The following IFFO2 variants were observed in gnomAD, a reference collection of about 807,000 sequenced individuals.
IFFO2 encodes the protein intermediate filament family orphan 2.
In IFFO2, 19 loss-of-function variants were observed where a neutral mutation model predicts 53.5. That is an observed-to-expected ratio of 0.36 (90% CI 0.25 to 0.52). The LOEUF is 0.52. Among genes scored for constraint, IFFO2 ranks in the 20% least tolerant of loss-of-function variants. The pLI is 0.94. For synonymous variants in IFFO2, 303 were observed against 313.6 expected, an observed-to-expected ratio of 0.97 and a Z score of 0.36; for missense variants, 570 against 727.4, an observed-to-expected ratio of 0.78 and a Z score of 2.49.
At chr1:18,938,836 G>A (rs754539286) in intron 1 of IFFO2, among the ~76,000 whole-genome samples, 3 of 152,194 alleles carry the variant, frequency 2.0e-5, no homozygotes, top group Non-Finnish European at 2.9e-5. Context: ...GCCCTCAAAG[G>A]CAGTAGGCAG....
chr1:18,925,364 G>T (rs1241348613), intron 1 of IFFO2, among the ~76,000 whole-genome samples: 1 of 152,170 alleles, frequency 6.6e-6, no homozygotes, highest in African/African-American at 2.4e-5. Context: ...TAAAGCAGTG[G>T]AGGCCCCAGG....
In IFFO2 at chr1:18,936,643, G is replaced by A. The variant is rs905901325; in HGVS notation, c.666-15522C>T. 2.0e-5 allele frequency among the ~76,000 whole-genome samples: 3 copies of A among 152,270 alleles called. No individual in the cohort carries two copies. Among genetic ancestry groups the A allele is most frequent in the African/African-American group, 7.2e-5 (3 of 41,474 alleles). On this transcript the variant is annotated intron_variant, in intron 1 of 8. Transcript: ENST00000455833. This position sits in a 1 kb window ranked among gnomAD's most constrained non-coding sequence, Gnocchi z 4.5. ...TCTCCACTGTTTATTCCAAGTGACT[G>A]TGCTGCCCTGGAGGTAAATGTAGGG...
chr1:18,909,685 A>G (rs1450044968), intron 8 of IFFO2, among the ~76,000 whole-genome samples: 5 of 152,182 alleles, frequency 3.3e-5, no homozygotes, highest in Admixed American at 6.5e-5. Context: ...TGCCATGACT[A>G]TAAGTTTCCT....
At chr1:18,914,038 A>G (rs373270234) in intron 5 of IFFO2, among the ~76,000 whole-genome samples, 5 of 152,092 alleles carry the variant, frequency 3.3e-5, no homozygotes, top group South Asian at 2.1e-4. Context: ...TCACCGTGTT[A>G]GCCAGGATGG....
At chr1:18,939,990 T>C (rs1399406013) in intron 1 of IFFO2, among the ~76,000 whole-genome samples, 1 of 152,200 alleles carries the variant, frequency 6.6e-6, no homozygotes, top group Non-Finnish European at 1.5e-5. Flanking sequence ...AAGAAGCCAG[T>C]GTCCAGTAGG....
intron 1 of IFFO2, among the ~76,000 whole-genome samples, chr1:18,924,242 G>A (rs1053057879): frequency 3.3e-5 from 5 of 152,214 alleles, no homozygotes; most frequent in Admixed American, 1.3e-4. Flanking sequence ...TGTTTCTTAC[G>A]GCACTCCAGA....
intron 5 of IFFO2, among the ~76,000 whole-genome samples, chr1:18,913,581 C>A (rs1936077590): frequency 6.6e-6 from 1 of 152,220 alleles, no homozygotes; most frequent in Non-Finnish European, 1.5e-5. Context: ...TGGTCTGAAG[C>A]CCAAACAACC....
At chr1:18,910,244 GAGAC>G in intron 8 of IFFO2, 94 bp downstream of exon 8, 1 of 1,354,034 alleles carries the variant, frequency 7.4e-7, no homozygotes, top group Non-Finnish European at 1.0e-6. Context: ...GACGGACAGA[GAGAC>G]AGGTTGGGAG....
At position 18,908,593 on chromosome 1, in the gene IFFO2, G is replaced by A. The variant is rs566982605; in HGVS notation, c.1522C>T (p.Arg508Cys). 2.5e-5 allele frequency: 39 copies of A among 1,551,646 alleles called. No homozygotes were observed. The South Asian group carries it at 2.6e-4, about 10-fold the overall frequency. ...STDEIQDEFEREADVEPMVS is the reference protein window; with the variant it reads ...STDEIQDEFECEADVEPMVS ...ACCATGGGCTCCACATCCGCCTCGCGCTCGAACTCATCCTGGATCTCATCT... is the reference window on the plus strand; with the variant it reads ...ACCATGGGCTCCACATCCGCCTCGCACTCGAACTCATCCTGGATCTCATCT... The change falls in exon 9 of 9, where the codon CGC becomes TGC. Residue 508 changes from arginine to cysteine, a missense_variant. By Grantham distance (180) the Arg-to-Cys change is radical. Coordinates refer to ENST00000455833, the MANE Select transcript of IFFO2 (RefSeq NM_001136265.2).
At chr1:18,951,384 G>A (rs1386896113) in intron 1 of IFFO2, among the ~76,000 whole-genome samples, 1 of 152,016 alleles carries the variant, frequency 6.6e-6, no homozygotes, top group Admixed American at 6.6e-5. Flanking sequence ...CAGGCACCAG[G>A]AAAAAAAGAA....
rs1209436867 is a variant in IFFO2, at chr1:18,919,493, G to C, written c.822+185C>G. On this transcript the variant is annotated intron_variant, in intron 3 of 8. Coordinates refer to ENST00000455833, the MANE Select transcript of IFFO2 (RefSeq NM_001136265.2). The surrounding 1 kb of genome is among the most constrained non-coding windows in gnomAD (Gnocchi z 4.9). ...CTCAGACCGAGGGAAGCAGAAGTGG[G>C]GAGGGGGCGGGAGGAGGGTGCCTGG... Among the ~76,000 whole-genome samples the C allele has an allele frequency of 6.6e-6, 1 of 152,106 alleles. No individual in the cohort carries two copies. Among genetic ancestry groups the C allele is most frequent in the East Asian group, 1.9e-4 (1 of 5,166 alleles).
rs759809419 is a variant in IFFO2, at chr1:18,935,954, G to A, written c.666-14833C>T. Among the ~76,000 whole-genome samples the A allele has an allele frequency of 4.0e-4, 56 of 139,312 alleles. 1 individual carries two copies. Among genetic ancestry groups the A allele is most frequent in the Admixed American group, 1.9e-3 (23 of 12,354 alleles). The allele number at this position is 139,312 out of a possible 152,430, so 91.4% of individuals were successfully genotyped here. On this transcript the variant is annotated intron_variant, in intron 1 of 8. Coordinates refer to ENST00000455833, the MANE Select transcript of IFFO2 (RefSeq NM_001136265.2). ...ACTCCTGGGCTGAAGCGATCCTCTC[G>A]CCTCAGACTCCCAAAGTGCTGGCAT...
intron 1 of IFFO2, among the ~76,000 whole-genome samples, chr1:18,932,932 G>A (rs555164964): frequency 2.0e-5 from 3 of 152,202 alleles, no homozygotes; most frequent in Admixed American, 6.5e-5. Flanking sequence ...CTTCATGAGC[G>A]AGCGTTGGGT....
At position 18,916,312 on chromosome 1, in the gene IFFO2, G is replaced by A. The variant is rs1290095554; in HGVS notation, c.1103+591C>T. Among the ~76,000 whole-genome samples the A allele has an allele frequency of 6.6e-6, 1 of 152,124 alleles. No homozygotes were observed. The highest frequency in any genetic ancestry group is 1.5e-5 in the Non-Finnish European group (1 of 68,014). On this transcript the variant is annotated intron_variant, in intron 5 of 8. Coordinates refer to ENST00000455833, the MANE Select transcript of IFFO2 (RefSeq NM_001136265.2). The surrounding 1 kb of genome is among the most constrained non-coding windows in gnomAD (Gnocchi z 4.3). ...GGAAAGGCAGGAGAATGGCAGACAG[G>A]GAACATAAAGGATGCTGGCGAATGG...
chr1:18,918,552 G>A lies in IFFO2; in HGVS notation c.823-50C>T. ...CATGAGCGAGGGATGGAGCAAGCCT[G>A]GGGGGCTTGGCAGAGAGGTGGGGAG... is the stretch of plus-strand genomic sequence containing the variant. On this transcript the variant is annotated intron_variant, in intron 3 of 8. Transcript: ENST00000455833. This position sits in a 1 kb window ranked among gnomAD's most constrained non-coding sequence, Gnocchi z 5.2. 6.5e-7 allele frequency: 1 copy of A among 1,539,708 alleles called. No homozygotes were observed. Among genetic ancestry groups the A allele is most frequent in the Non-Finnish European group, 8.8e-7 (1 of 1,137,152 alleles).
chr1:18,954,155 C>T lies in IFFO2; in HGVS notation c.665+1513G>A, dbSNP rs138824039. Among the ~76,000 whole-genome samples, 275 of 152,306 alleles carry T rather than the reference C, an allele frequency of 1.8e-3. 2 individuals are homozygous for T. Among genetic ancestry groups the T allele is most frequent in the Middle Eastern group, 3.4e-3 (1 of 294 alleles). ...GCCCGTCTCCCAGTGGAGTGTAAGACCTACCCCCAGGAAGCTAGGCGCCAC... is the reference window on the plus strand; with the variant it reads ...GCCCGTCTCCCAGTGGAGTGTAAGATCTACCCCCAGGAAGCTAGGCGCCAC... On this transcript the variant is annotated intron_variant, in intron 1 of 8. Coordinates refer to ENST00000455833, the MANE Select transcript of IFFO2 (RefSeq NM_001136265.2).
chr1:18,920,770 G>A (rs1394674049), intron 2 of IFFO2, among the ~76,000 whole-genome samples: 1 of 152,180 alleles, frequency 6.6e-6, no homozygotes, highest in Non-Finnish European at 1.5e-5. Context: ...GAGAAGGGTC[G>A]CTGGTCCCAG....
At chr1:18,939,057 C>T (rs1255201853) in intron 1 of IFFO2, among the ~76,000 whole-genome samples, 1 of 152,210 alleles carries the variant, frequency 6.6e-6, no homozygotes, top group African/African-American at 2.4e-5. Context: ...CCTGTCCTCT[C>T]CCCTTGGAGG....
intron 1 of IFFO2, among the ~76,000 whole-genome samples, chr1:18,924,708 G>C (rs1049407104): frequency 1.1e-4 from 16 of 152,328 alleles, no homozygotes; most frequent in African/African-American, 3.6e-4. Context: ...TGAACATAAA[G>C]AGATCACTTT....
Sources: allele counts gnomAD v4.1 joint callset (sites outside exome capture counted in the v4.1 genomes callset), GRCh38; gene constraint gnomAD v4.1.1; non-coding constraint Gnocchi (gnomAD v3.1); transcripts MANE v1.5; gene names NCBI Gene and HGNC (gene_info 2026-07-23, HGNC 2026-07-21).